The following SHISA9 variants were observed in gnomAD, a reference collection of about 807,000 sequenced individuals.
The protein encoded by SHISA9 is protein shisa-9.
Under a neutral mutation model 38.0 loss-of-function variants are expected in SHISA9, and 13 were observed. The ratio of observed to expected loss-of-function variants is 0.34; its 90% CI spans 0.22 to 0.54. The LOEUF is 0.54. Among genes scored for constraint, SHISA9 ranks in the 20% least tolerant of loss-of-function variants. The probability of loss-of-function intolerance (pLI) is 0.91; values close to 1 mark genes in which losing one functional copy is unlikely to be tolerated. For synonymous variants in SHISA9, 275 were observed against 242.0 expected (o/e 1.14, Z -1.27); for missense variants, 538 against 575.8 (o/e 0.93, Z 0.67).
intron 2 of SHISA9, among the ~76,000 whole-genome samples, chr16:12,935,631 T>C (rs275405): frequency 0.35 from 53,085 of 151,742 alleles, 9,636 homozygotes; most frequent in South Asian, 0.48. Context: ...GTGGATCACT[T>C]GAGCTCAGGG....
At chr16:12,920,210 T>C (rs1030059568) in intron 2 of SHISA9, among the ~76,000 whole-genome samples, 1 of 152,000 alleles carries the variant, frequency 6.6e-6, no homozygotes, top group African/African-American at 2.4e-5. Flanking sequence ...TCAGGAGATA[T>C]ACCTAATGTA....
At chr16:12,925,625 G>A (rs1474289664) in intron 2 of SHISA9, among the ~76,000 whole-genome samples, 1 of 152,212 alleles carries the variant, frequency 6.6e-6, no homozygotes, top group Admixed American at 6.5e-5. Flanking sequence ...CCAACCAGCT[G>A]TAGGACTATT....
At position 13,235,576 on chromosome 16, in the gene SHISA9, G is replaced by A. The variant is rs2051375484; in HGVS notation, c.*167G>A. ...GGACACAGAGTCGCGCTTTTCCTAG[G>A]TCATGCCTGTAACGTGTCGGCGGGC... is the stretch of plus-strand genomic sequence containing the variant. On this transcript the variant is annotated 3_prime_UTR_variant, in exon 5 of 5. Transcript: ENST00000558583. 8.0e-6 allele frequency: 7 copies of A among 871,084 alleles called. No individual in the cohort carries two copies. The Admixed American group carries it at 1.2e-4, about 15-fold the overall frequency. 54.0% of individuals were successfully genotyped at this position (871,084 alleles called of 1,614,324 possible).
At chr16:13,323,302 A>C in the SHISA9 span, among the ~76,000 whole-genome samples, 1 of 152,018 alleles carries the variant, frequency 6.6e-6, no homozygotes, top group Admixed American at 6.6e-5. Flanking sequence ...AGTGCAATGC[A>C]CTCTCACAAA....
chr16:13,228,915 C>T (rs752709292), intron 4 of SHISA9, among the ~76,000 whole-genome samples: 18 of 152,242 alleles, frequency 1.2e-4, no homozygotes, highest in South Asian at 2.1e-4. Context: ...AATCCTAGCC[C>T]TTCGGGAGGC....
chr16:12,931,206 T>C (rs1186582454), intron 2 of SHISA9, among the ~76,000 whole-genome samples: 2 of 152,224 alleles, frequency 1.3e-5, no homozygotes, highest in African/African-American at 2.4e-5. Flanking sequence ...GAGGAGGTTC[T>C]TCTTGCTTAC....
chr16:13,067,397 G>A (rs2073447791), intron 2 of SHISA9, among the ~76,000 whole-genome samples: 3 of 152,206 alleles, frequency 2.0e-5, no homozygotes, highest in African/African-American at 7.2e-5. Context: ...GTGATGTTGG[G>A]CAAACAAGCT....
the SHISA9 span, among the ~76,000 whole-genome samples, chr16:13,522,701 T>G: frequency 6.6e-6 from 1 of 152,208 alleles, no homozygotes; most frequent in Non-Finnish European, 1.5e-5. Flanking sequence ...AGCCTTATAA[T>G]GTAGGCCACA....
chr16:13,148,068 G>A (rs546465211), intron 2 of SHISA9, among the ~76,000 whole-genome samples: 1 of 152,026 alleles, frequency 6.6e-6, no homozygotes, highest in Non-Finnish European at 1.5e-5. Flanking sequence ...GGGTGCTCAG[G>A]ACTCTGCAAC....
chr16:13,363,640 G>T, the SHISA9 span, among the ~76,000 whole-genome samples: 2 of 152,308 alleles, frequency 1.3e-5, no homozygotes, highest in East Asian at 3.9e-4. Flanking sequence ...TGGAACAAAT[G>T]CAGGGATATG....
At chr16:13,031,628 G>T (rs756849602) in intron 2 of SHISA9, among the ~76,000 whole-genome samples, 14 of 152,146 alleles carry the variant, frequency 9.2e-5, no homozygotes, top group Non-Finnish European at 1.8e-4. Flanking sequence ...TCTGACAGAT[G>T]TGGGTTTGAA....
intron 3 of SHISA9, among the ~76,000 whole-genome samples, chr16:13,206,814 T>C (rs2051069444): frequency 6.6e-6 from 1 of 152,212 alleles, no homozygotes; most frequent in Non-Finnish European, 1.5e-5. Flanking sequence ...CTATTCCATA[T>C]TGCCTGTTTG....
At chr16:13,300,769 A>G in the SHISA9 span, among the ~76,000 whole-genome samples, 1 of 151,986 alleles carries the variant, frequency 6.6e-6, no homozygotes, top group Non-Finnish European at 1.5e-5. Flanking sequence ...TTTCAGAGAA[A>G]TGTGGGTTCT....
At chr16:13,329,576 A>T in the SHISA9 span, among the ~76,000 whole-genome samples, 2 of 152,206 alleles carry the variant, frequency 1.3e-5, no homozygotes, top group African/African-American at 4.8e-5. Flanking sequence ...TTTAGGCAAC[A>T]GAATAAGCTG....
downstream of SHISA9, among the ~76,000 whole-genome samples, chr16:13,243,065 C>G (rs774503164): frequency 1.8e-4 from 28 of 151,904 alleles, no homozygotes; most frequent in Admixed American, 6.5e-5. Context: ...ATGGTGAAAC[C>G]CCATCTCTAC....
At chr16:13,069,856 C>G (rs1179714307) in intron 2 of SHISA9, among the ~76,000 whole-genome samples, 1 of 152,080 alleles carries the variant, frequency 6.6e-6, no homozygotes, top group East Asian at 1.9e-4. Context: ...GCCCTTCTGC[C>G]CTGTGAGGAC....
chr16:13,303,869 C>T, the SHISA9 span, among the ~76,000 whole-genome samples: 1 of 152,142 alleles, frequency 6.6e-6, no homozygotes, highest in African/African-American at 2.4e-5. Flanking sequence ...ACACTTGTCC[C>T]TCAATAAATG....
At chr16:13,409,012 T>C in the SHISA9 span, among the ~76,000 whole-genome samples, 2 of 152,166 alleles carry the variant, frequency 1.3e-5, no homozygotes, top group Non-Finnish European at 2.9e-5. Flanking sequence ...CCCACTATCC[T>C]GTACCCGTAT....
At position 13,075,211 on chromosome 16, in the gene SHISA9, G is replaced by A. The variant is rs1454085189; in HGVS notation, c.692-128183G>A. 2.6e-5 allele frequency among the ~76,000 whole-genome samples: 4 copies of A among 152,178 alleles called. No individual in the cohort carries two copies. In the East Asian group the frequency reaches 5.8e-4, roughly 22 times the overall value. On this transcript the variant is annotated intron_variant, in intron 2 of 4. Coordinates refer to ENST00000558583, the MANE Select transcript of SHISA9 (RefSeq NM_001145204.3). ...AGGACCACTGTGGAAGCAGAGCAGG[G>A]ACATGGGAATTTCCTAATCATCTGC...
Sources: gnomAD v4.1 joint callset for allele counts (sites outside exome capture counted in the v4.1 genomes callset) on GRCh38, gnomAD v4.1.1 for gene constraint, MANE v1.5 for transcripts, NCBI Gene and HGNC (gene_info 2026-07-23, HGNC 2026-07-21) for gene names.